Variants in PVT1 observed in about 807,000 individuals in gnomAD.
The protein encoded by PVT1 is CXCR4/PVT1 fusion.
chr8:128,005,194 A>C (rs1817231001), intron 4 of PVT1, among the ~76,000 whole-genome samples: 1 of 152,016 alleles, frequency 6.6e-6, no homozygotes, highest in Non-Finnish European at 1.5e-5. Context: ...AATAAGTTTG[A>C]CTGGGAAACC....
chr8:128,055,086 A>C (rs961903293), intron 4 of PVT1, among the ~76,000 whole-genome samples: 1 of 152,186 alleles, frequency 6.6e-6, no homozygotes, highest in Admixed American at 6.5e-5. Flanking sequence ...CCTGCCCTGT[A>C]GAATTTAGAC....
chr8:128,036,404 G>A (rs1272521749), intron 4 of PVT1, among the ~76,000 whole-genome samples: 2 of 152,196 alleles, frequency 1.3e-5, no homozygotes, highest in Non-Finnish European at 2.9e-5. Context: ...GGAAGGCACT[G>A]GATGCTGGAG....
chr8:128,044,824 T>C (rs1813592140), intron 4 of PVT1, among the ~76,000 whole-genome samples: 1 of 152,260 alleles, frequency 6.6e-6, no homozygotes, highest in South Asian at 2.1e-4. Context: ...TGTACTTAAA[T>C]ACCACTTGTT....
At chr8:127,860,199 C>T (rs1409894644) in intron 2 of PVT1, among the ~76,000 whole-genome samples, 3 of 152,120 alleles carry the variant, frequency 2.0e-5, no homozygotes, top group Non-Finnish European at 2.9e-5. Context: ...GTCCTGGTGG[C>T]GGAGGTGCTG....
chr8:127,912,915 C>T (rs1815924323), intron 3 of PVT1, among the ~76,000 whole-genome samples: 1 of 152,250 alleles, frequency 6.6e-6, no homozygotes, highest in Non-Finnish European at 1.5e-5. Context: ...CCAGGCTGGT[C>T]TTGAACTCCT....
chr8:127,821,347 C>T (rs1193797274), intron 2 of PVT1, among the ~76,000 whole-genome samples: 1 of 151,816 alleles, frequency 6.6e-6, no homozygotes, highest in Non-Finnish European at 1.5e-5. Flanking sequence ...GTAAATTGCA[C>T]AATGGATTAT....
chr8:127,928,190 A>G (rs1419104241), intron 3 of PVT1, among the ~76,000 whole-genome samples: 1 of 152,226 alleles, frequency 6.6e-6, no homozygotes. Flanking sequence ...TATCTGATAG[A>G]TAGGGTTCCT....
intron 4 of PVT1, among the ~76,000 whole-genome samples, chr8:128,052,760 G>T (rs768936247): frequency 6.6e-6 from 1 of 152,220 alleles, no homozygotes; most frequent in Non-Finnish European, 1.5e-5. Flanking sequence ...CACACTATGT[G>T]CAGGGCACAG....
At chr8:128,063,171 G>C (rs1056846450) in intron 4 of PVT1, among the ~76,000 whole-genome samples, 1 of 152,146 alleles carries the variant, frequency 6.6e-6, no homozygotes, top group Non-Finnish European at 1.5e-5. Flanking sequence ...AGTACAGTTT[G>C]ATGACTTCTT....
intron 5 of PVT1, among the ~76,000 whole-genome samples, chr8:128,084,099 A>G (rs954278408): frequency 6.6e-6 from 1 of 152,066 alleles, no homozygotes; most frequent in African/African-American, 2.4e-5. Context: ...TCTATCCTTT[A>G]TCCCCCCCTT....
chr8:127,920,159 G>C (rs556849805), intron 3 of PVT1, among the ~76,000 whole-genome samples: 3 of 152,262 alleles, frequency 2.0e-5, no homozygotes, highest in African/African-American at 7.2e-5. Context: ...TAAACTCACT[G>C]CCAACATTCA....
chr8:127,959,374 CAA>C (rs753023729), intron 3 of PVT1, among the ~76,000 whole-genome samples: 6 of 152,114 alleles, frequency 3.9e-5, no homozygotes, highest in Non-Finnish European at 8.8e-5. Context: ...ATTACGAGGT[CAA>C]GAGATCGAGA....
intron 3 of PVT1, among the ~76,000 whole-genome samples, chr8:127,985,023 TTCCTTCCTTCCTTTCC>T (rs1210354731): frequency 7.0e-6 from 1 of 143,340 alleles, no homozygotes; most frequent in African/African-American, 2.6e-5. Context: ...CCTTCCTTCC[TTCCTTCCTTCCTTTCC>T]TTCTTTTTTT....
intron 4 of PVT1, among the ~76,000 whole-genome samples, chr8:128,032,868 GC>G (rs1302230698): frequency 6.6e-6 from 1 of 152,216 alleles, no homozygotes; most frequent in Non-Finnish European, 1.5e-5. Context: ...AGGTGAGTAA[GC>G]CCTTTCCAAG....
intron 2 of PVT1, chr8:127,803,279 C>A (rs1450967330): frequency 6.6e-6 from 1 of 151,820 alleles, no homozygotes; most frequent in Non-Finnish European, 1.5e-5. Context: ...CAGGCACCCG[C>A]CCACCACGCC....
At chr8:128,020,684 T>A (rs1007080665) in intron 4 of PVT1, among the ~76,000 whole-genome samples, 7 of 152,236 alleles carry the variant, frequency 4.6e-5, no homozygotes, top group Non-Finnish European at 1.0e-4. Flanking sequence ...GGAAACCAGC[T>A]GAGCCAACCC....
rs117484879 is a variant in PVT1 at position 128,087,491 on chromosome 8, G to A, written n.1115-9027G>A. On this transcript the variant is annotated intron_variant and non_coding_transcript_variant, in intron 5 of 10. Transcript: ENST00000651587. ...GTGTCCCTCCCCCAGGCTGTTATGC[G>A]TGGCAGATTATTAACACCACAACTG... Among the ~76,000 whole-genome samples the A allele has an allele frequency of 3.9e-3, 598 of 152,210 alleles. 1 individual carries two copies. The highest frequency in any genetic ancestry group is 7.0e-3 in the Admixed American group (107 of 15,290).
intron 3 of PVT1, among the ~76,000 whole-genome samples, chr8:127,936,603 G>T (rs922556311): frequency 1.3e-5 from 2 of 152,166 alleles, no homozygotes; most frequent in East Asian, 3.9e-4. Context: ...TGGCCTTGGA[G>T]AAATCATTTC....
intron 3 of PVT1, among the ~76,000 whole-genome samples, chr8:127,971,930 AGGC>A (rs1260050919): frequency 6.6e-6 from 1 of 152,246 alleles, no homozygotes; most frequent in African/African-American, 2.4e-5. Context: ...TGAGACTGTC[AGGC>A]AGATGACTGT....
Sources: gnomAD v4.1 joint callset for allele counts (sites outside exome capture counted in the v4.1 genomes callset) on GRCh38, gnomAD v4.1.1 for gene constraint, MANE v1.5 for transcripts, NCBI Gene and HGNC (gene_info 2026-07-23, HGNC 2026-07-21) for gene names.